The following BATF variants were observed in gnomAD, a reference collection of about 807,000 sequenced individuals.
BATF encodes the protein basic leucine zipper ATF-like transcription factor, also known as basic leucine zipper transcriptional factor ATF-like.
A neutral mutation model predicts 13.7 loss-of-function variants in BATF; 5 were observed. That is an observed-to-expected ratio of 0.36 (90% CI 0.19 to 0.77). BATF has a LOEUF of 0.77. Among genes scored for constraint, BATF ranks in the 30% least tolerant of loss-of-function variants. The pLI is 0.51. For missense variants in BATF, 124 were observed against 163.0 expected (o/e 0.76, Z 1.30); for synonymous variants, 72 against 67.5 (o/e 1.07, Z -0.33).
rs1887632544 is a variant in BATF, at chr14:75,525,194, T to C, written c.168+6T>C. On this transcript the variant is annotated splice_donor_region_variant and intron_variant, in intron 2 of 2. Transcript: ENST00000286639. ...AGGCCGACACCCTGCACCTGGTAAG[T>C]GTTCAGATCAATCTTCATCCTCGTG... 4 of 1,612,478 alleles carry C rather than the reference T, an allele frequency of 2.5e-6. No individual in the cohort carries two copies. The Admixed American group carries it at 5.0e-5, about 20-fold the overall frequency.
intron 2 of BATF, among the ~76,000 whole-genome samples, chr14:75,529,063 C>T (rs986381014): frequency 4.6e-5 from 7 of 152,066 alleles, no homozygotes; most frequent in Non-Finnish European, 1.0e-4. Flanking sequence ...CAATAAAAAA[C>T]CCAATAGGGT....
intron 2 of BATF, among the ~76,000 whole-genome samples, chr14:75,530,712 T>C (rs1329147006): frequency 6.6e-6 from 1 of 152,218 alleles, no homozygotes; most frequent in Non-Finnish European, 1.5e-5. Flanking sequence ...TCTCACTATG[T>C]TGCCCAGGCT....
intron 2 of BATF, 88 bp downstream of exon 2, chr14:75,525,276 G>C: frequency 7.3e-7 from 1 of 1,362,586 alleles, no homozygotes. Flanking sequence ...CTTTGATTCT[G>C]CTTGTGTGGG....
intron 2 of BATF, among the ~76,000 whole-genome samples, chr14:75,545,127 A>G (rs1296014112): frequency 6.6e-6 from 1 of 152,222 alleles, no homozygotes; most frequent in Non-Finnish European, 1.5e-5. Context: ...GGACACCCCC[A>G]AAATACCGTC....
chr14:75,525,127 A>C lies in BATF; in HGVS notation c.107A>C (p.Asn36Thr). Residue 36 changes from asparagine (N) to threonine (T), a missense_variant, in exon 2 of 3, where the codon AAT becomes ACT. Around this residue, in one of 2 missense-constraint regions of BATF, gnomAD observed 65 missense variants for 113.3 expected, o/e 0.57. Transcript: ENST00000286639. ...DVRRVQRREK[N>T]RIAAQKSRQR... ...AGAAGAGTTCAGAGGAGGGAGAAAA[A>C]TCGTATTGCCGCCCAGAAGAGCCGA... The C allele has an allele frequency of 6.2e-7, 1 of 1,613,988 alleles. No individual in the cohort carries two copies. Among genetic ancestry groups the C allele is most frequent in the Non-Finnish European group, 8.5e-7 (1 of 1,179,968 alleles).
intron 2 of BATF, among the ~76,000 whole-genome samples, chr14:75,526,045 G>C (rs914655487): frequency 3.3e-5 from 5 of 152,198 alleles, no homozygotes; most frequent in African/African-American, 1.2e-4. Context: ...CATCCTAGTT[G>C]AGTTGCCTCT....
chr14:75,525,531 G>C (rs1294552665), intron 2 of BATF, among the ~76,000 whole-genome samples: 1 of 151,934 alleles, frequency 6.6e-6, no homozygotes, highest in Non-Finnish European at 1.5e-5. Context: ...AGGCATGGTG[G>C]TGCATGCCTG....
intron 2 of BATF, among the ~76,000 whole-genome samples, chr14:75,535,388 G>T (rs1378133141): frequency 6.6e-6 from 1 of 152,184 alleles, no homozygotes; most frequent in Non-Finnish European, 1.5e-5. Flanking sequence ...TCTGGACTGG[G>T]TAATAGAGTG....
intron 2 of BATF, among the ~76,000 whole-genome samples, chr14:75,539,116 T>C (rs1595007577): frequency 6.6e-6 from 1 of 152,322 alleles, no homozygotes; most frequent in African/African-American, 2.4e-5. Context: ...ACTTTTCTCA[T>C]GTAACAAGAA....
chr14:75,532,996 G>A (rs1887760833), intron 2 of BATF, among the ~76,000 whole-genome samples: 1 of 152,092 alleles, frequency 6.6e-6, no homozygotes, highest in Non-Finnish European at 1.5e-5. Context: ...ATGAATGTGT[G>A]CCATTTTAAA....
At chr14:75,534,596 G>C (rs955285423) in intron 2 of BATF, among the ~76,000 whole-genome samples, 9 of 152,210 alleles carry the variant, frequency 5.9e-5, no homozygotes, top group Non-Finnish European at 1.3e-4. Context: ...AAGACACATG[G>C]AAAGTTGTTC....
chr14:75,524,065 C>T (rs1595001592), intron 1 of BATF, among the ~76,000 whole-genome samples: 1 of 152,138 alleles, frequency 6.6e-6, no homozygotes, highest in African/African-American at 2.4e-5. Flanking sequence ...ACTTAGTGAT[C>T]CCAGAGCTTT....
At chr14:75,527,891 G>A (rs1485096093) in intron 2 of BATF, among the ~76,000 whole-genome samples, 2 of 152,164 alleles carry the variant, frequency 1.3e-5, no homozygotes, top group Admixed American at 6.5e-5. Context: ...GCAAGCCTGC[G>A]GACTGCTGCC....
intron 2 of BATF, among the ~76,000 whole-genome samples, chr14:75,533,897 A>C (rs17103402): frequency 0.031 from 4,705 of 152,296 alleles, 238 homozygotes; most frequent in African/African-American, 0.11. Context: ...CCTTCCCACC[A>C]GTCTGCTTTT....
chr14:75,531,955 C>T (rs1458597268), intron 2 of BATF, among the ~76,000 whole-genome samples: 2 of 152,010 alleles, frequency 1.3e-5, no homozygotes, highest in Non-Finnish European at 2.9e-5. Flanking sequence ...ATCAGTGAAC[C>T]ATCTATGGAA....
intron 2 of BATF, among the ~76,000 whole-genome samples, chr14:75,543,891 C>T (rs1237006428): frequency 1.3e-5 from 2 of 152,012 alleles, no homozygotes; most frequent in East Asian, 3.9e-4. Context: ...ACCTCGGCCT[C>T]CCAAAGTGCT....
chr14:75,546,333 T>C, intron 2 of BATF, 129 bp from the exon 3 acceptor site: 1 of 895,348 alleles, frequency 1.1e-6, no homozygotes, highest in Non-Finnish European at 1.7e-6. Context: ...GCAGGAAAAT[T>C]CTCTGGTGCC....
chr14:75,536,722 T>TTAAAACAAAATAAAATAAAA (rs1887823927), intron 2 of BATF, among the ~76,000 whole-genome samples: 4 of 125,766 alleles, frequency 3.2e-5, no homozygotes, highest in Non-Finnish European at 6.6e-5. Flanking sequence ...GATCCTGTCT[T>TTAAAACAAAATAAAATAAAA]TAAAATAAAA....
chr14:75,544,419 G>A (rs1252513469), intron 2 of BATF, among the ~76,000 whole-genome samples: 3 of 151,780 alleles, frequency 2.0e-5, no homozygotes, highest in Non-Finnish European at 4.4e-5. Context: ...ACAAAAACTA[G>A]CCAGGCGTGG....
Sources: allele counts gnomAD v4.1 joint callset (sites outside exome capture counted in the v4.1 genomes callset), GRCh38; gene constraint gnomAD v4.1.1; regional missense constraint gnomAD v4.1.1; transcripts MANE v1.5; gene names NCBI Gene and HGNC (gene_info 2026-07-23, HGNC 2026-07-21).